The following ITGA1 variants were observed in gnomAD, a reference collection of about 807,000 sequenced individuals.
ITGA1 encodes the protein integrin alpha-1.
In ITGA1, 85 loss-of-function variants were observed where a neutral mutation model predicts 145.9. That is an observed-to-expected ratio of 0.58 (90% CI 0.49 to 0.70). ITGA1 has a LOEUF of 0.70. Among genes scored for constraint, ITGA1 ranks in the 30% least tolerant of loss-of-function variants. ITGA1 has a pLI of 0.00. For missense variants in ITGA1, 1,351 were observed against 1,418.7 expected (o/e 0.95, Z 0.77); for synonymous variants, 520 against 495.3 (o/e 1.05, Z -0.66).
At chr5:52,897,414 G>T (rs376813746) in intron 9 of ITGA1, 41 bp from the exon 10 acceptor site, 13 of 1,356,290 alleles carry the variant, frequency 9.6e-6, no homozygotes, top group Admixed American at 1.7e-5. Context: ...GCATGAAAAG[G>T]CATTGTTACT....
At chr5:52,850,315 A>T (rs908104132) in intron 2 of ITGA1, among the ~76,000 whole-genome samples, 1 of 152,138 alleles carries the variant, frequency 6.6e-6, no homozygotes, top group African/African-American at 2.4e-5. Flanking sequence ...TATGATTTTT[A>T]AAGTATATTT....
Position 52,900,158 on chromosome 5 carries a change from G to A in ITGA1, c.1309+1775G>A, listed in dbSNP as rs986765913. On this transcript the variant is annotated intron_variant, in intron 11 of 28. Coordinates refer to ENST00000282588, the MANE Select transcript of ITGA1 (RefSeq NM_181501.2). ...TGACACAGAATACCTAAAAAAGAGG[G>A]CTGGGGATTAGATTAGATATCTTCT... Among the ~76,000 whole-genome samples the A allele has an allele frequency of 5.3e-5, 8 of 152,276 alleles. No individual in the cohort carries two copies. In the East Asian group the frequency reaches 1.5e-3, roughly 29 times the overall value.
chr5:52,803,648 A>G (rs62358444), intron 1 of ITGA1: 39,127 of 152,018 alleles, frequency 0.26, 5,371 homozygotes, highest in Non-Finnish European at 0.3. Context: ...TTTTTTTTAA[A>G]GCTACCCAGA....
chr5:52,862,516 T>C (rs1293345891), intron 3 of ITGA1, among the ~76,000 whole-genome samples: 2 of 152,214 alleles, frequency 1.3e-5, no homozygotes, highest in Non-Finnish European at 2.9e-5. Flanking sequence ...TTTAACTCTC[T>C]GCATTTTTCA....
chr5:52,816,550 C>T (rs968863289), intron 1 of ITGA1, among the ~76,000 whole-genome samples: 2 of 152,094 alleles, frequency 1.3e-5, no homozygotes, highest in Non-Finnish European at 2.9e-5. Flanking sequence ...ACTGAATGGA[C>T]ATTTTGTTAG....
chr5:52,901,717 G>A (rs1230601560), intron 11 of ITGA1: 1 of 152,134 alleles, frequency 6.6e-6, no homozygotes, highest in Non-Finnish European at 1.5e-5. Context: ...AGCAGATGTG[G>A]AGAATTCAAC....
At chr5:52,948,632 A>G (rs983522455) in intron 28 of ITGA1, among the ~76,000 whole-genome samples, 1 of 152,170 alleles carries the variant, frequency 6.6e-6, no homozygotes, top group Non-Finnish European at 1.5e-5. Flanking sequence ...TCTTCCTTCT[A>G]CTTTATAAGG....
chr5:52,860,557 T>C (rs2126952), intron 2 of ITGA1, among the ~76,000 whole-genome samples: 81,641 of 151,978 alleles, frequency 0.54, 22,234 homozygotes, highest in Non-Finnish European at 0.58. Context: ...AAAATAAAAA[T>C]AAAAAAATAA....
chr5:52,836,211 G>A (rs796079793), intron 1 of ITGA1, among the ~76,000 whole-genome samples: 24 of 152,242 alleles, frequency 1.6e-4, no homozygotes, highest in African/African-American at 5.8e-4. Context: ...AGCAGCACAT[G>A]TGTCTCTTTC....
intron 1 of ITGA1, among the ~76,000 whole-genome samples, chr5:52,819,099 A>G (rs1236423685): frequency 2.0e-5 from 3 of 152,200 alleles, no homozygotes; most frequent in South Asian, 2.1e-4. Flanking sequence ...TAGTGCCGCA[A>G]TAAACACACG....
At chr5:52,893,175 C>T (rs1183875377) in intron 8 of ITGA1, among the ~76,000 whole-genome samples, 1 of 152,036 alleles carries the variant, frequency 6.6e-6, no homozygotes, top group Non-Finnish European at 1.5e-5. Context: ...TCCAGATTGC[C>T]AATTTAGATT....
intron 2 of ITGA1, among the ~76,000 whole-genome samples, chr5:52,858,928 TCA>T (rs1401106011): frequency 2.0e-5 from 3 of 152,138 alleles, no homozygotes; most frequent in Non-Finnish European, 2.9e-5. Flanking sequence ...AAAAACTAAA[TCA>T]CAGATGGAGT....
At chr5:52,808,492 TG>T (rs1474728986) in intron 1 of ITGA1, among the ~76,000 whole-genome samples, 2 of 152,190 alleles carry the variant, frequency 1.3e-5, no homozygotes, top group East Asian at 1.9e-4. Context: ...CAAGTCCTAG[TG>T]TAAACATTGA....
At chr5:52,877,728 C>T (rs527896416) in intron 6 of ITGA1, among the ~76,000 whole-genome samples, 8 of 152,286 alleles carry the variant, frequency 5.3e-5, no homozygotes, top group East Asian at 3.9e-4. Flanking sequence ...AGAGCTGTAA[C>T]GCTGCAGCTT....
chr5:52,907,346 G>A (rs79182587), intron 12 of ITGA1, among the ~76,000 whole-genome samples: 1 of 152,082 alleles, frequency 6.6e-6, no homozygotes, highest in Non-Finnish European at 1.5e-5. Context: ...AAAAGGAAGG[G>A]CCATGACAGA....
chr5:52,824,473 G>T (rs1748929321), intron 1 of ITGA1: 2 of 151,960 alleles, frequency 1.3e-5, no homozygotes, highest in Admixed American at 1.3e-4. Context: ...TGTATTTTTA[G>T]TAGAGATGGG....
chr5:52,824,332 C>A (rs1371113618), intron 1 of ITGA1: 1 of 147,244 alleles, frequency 6.8e-6, no homozygotes, highest in African/African-American at 2.5e-5. Flanking sequence ...TGCTCTGTTG[C>A]CCAGGCTGGA....
intron 12 of ITGA1, among the ~76,000 whole-genome samples, chr5:52,906,407 G>A (rs550786130): frequency 1.3e-5 from 2 of 152,266 alleles, no homozygotes; most frequent in East Asian, 3.9e-4. Context: ...TATCCTGGAG[G>A]TAATGGGAAA....
At chr5:52,911,372 G>A in intron 14 of ITGA1, among the ~76,000 whole-genome samples, 1 of 132,912 alleles carries the variant, frequency 7.5e-6, no homozygotes, top group East Asian at 2.2e-4. Flanking sequence ...TGTATATAGT[G>A]AGTATATAGT....
Sources: allele counts gnomAD v4.1 joint callset (sites outside exome capture counted in the v4.1 genomes callset), GRCh38; gene constraint gnomAD v4.1.1; transcripts MANE v1.5; gene names NCBI Gene and HGNC (gene_info 2026-07-23, HGNC 2026-07-21).